Variants in SLC24A2 observed in about 807,000 individuals in gnomAD.
SLC24A2 encodes the protein sodium/potassium/calcium exchanger 2.
Under a neutral mutation model 62.0 loss-of-function variants are expected in SLC24A2, and 36 were observed. That is an observed-to-expected ratio of 0.58 (90% CI 0.44 to 0.77). SLC24A2 has a LOEUF of 0.77. Among genes scored for constraint, SLC24A2 ranks in the 30% least tolerant of loss-of-function variants. The pLI is 0.00. For missense variants in SLC24A2, 846 were observed against 817.9 expected (o/e 1.03, Z -0.42); for synonymous variants, 358 against 294.0 (o/e 1.22, Z -2.23).
intron 3 of SLC24A2, among the ~76,000 whole-genome samples, chr9:19,622,056 C>T (rs952639385): frequency 2.0e-5 from 3 of 152,178 alleles, no homozygotes; most frequent in Non-Finnish European, 2.9e-5. Flanking sequence ...GAAACCTAGT[C>T]CCAGAAGGCA....
At chr9:19,976,748 A>G in the SLC24A2 span, among the ~76,000 whole-genome samples, 1 of 152,194 alleles carries the variant, frequency 6.6e-6, no homozygotes, top group Non-Finnish European at 1.5e-5. Context: ...TGGTATCTGC[A>G]GGGGTCCTGG....
At chr9:19,573,504 AC>A (rs1835907750) in intron 6 of SLC24A2, 35 bp from the exon 7 acceptor site, 1 of 26,456 alleles carries the variant, frequency 3.8e-5, no homozygotes. Context: ...ACACACACAC[AC>A]ACACACACAC....
At chr9:19,730,367 T>A (rs930826733) in intron 2 of SLC24A2, among the ~76,000 whole-genome samples, 7 of 152,200 alleles carry the variant, frequency 4.6e-5, no homozygotes, top group African/African-American at 1.2e-4. Context: ...AATAATTACA[T>A]AAATATATGA....
chr9:20,039,131 A>G, the SLC24A2 span, among the ~76,000 whole-genome samples: 1 of 152,222 alleles, frequency 6.6e-6, no homozygotes, highest in Admixed American at 6.5e-5. Flanking sequence ...AGGAGGCGGC[A>G]TGGTGTGGTG....
At chr9:19,668,025 C>A (rs1442070907) in intron 2 of SLC24A2, among the ~76,000 whole-genome samples, 2 of 151,990 alleles carry the variant, frequency 1.3e-5, no homozygotes, top group African/African-American at 4.8e-5. Context: ...GTTTTAATTC[C>A]CACATCTATC....
chr9:20,087,128 C>G, the SLC24A2 span, among the ~76,000 whole-genome samples: 4 of 152,336 alleles, frequency 2.6e-5, no homozygotes, highest in South Asian at 4.1e-4. Flanking sequence ...CGCTCTTCCC[C>G]TCATGCTAGT....
chr9:20,122,717 ACT>A, the SLC24A2 span, among the ~76,000 whole-genome samples: 1 of 151,844 alleles, frequency 6.6e-6, no homozygotes, highest in Non-Finnish European at 1.5e-5. Context: ...CAACAAAAAA[ACT>A]CTACTTCTTA....
At chr9:20,288,051 C>T in the SLC24A2 span, among the ~76,000 whole-genome samples, 1 of 151,784 alleles carries the variant, frequency 6.6e-6, no homozygotes, top group African/African-American at 2.4e-5. Context: ...AACACACACA[C>T]ACACATTAAA....
chr9:19,584,519 CCTAGCAA>C (rs1176758404), intron 5 of SLC24A2, among the ~76,000 whole-genome samples: 10 of 152,124 alleles, frequency 6.6e-5, no homozygotes, highest in Non-Finnish European at 4.4e-5. Flanking sequence ...AGAGATGCCA[CCTAGCAA>C]CTAGAAGAAA....
the SLC24A2 span, among the ~76,000 whole-genome samples, chr9:20,023,386 T>A: frequency 6.6e-6 from 1 of 152,006 alleles, no homozygotes; most frequent in South Asian, 2.1e-4. Context: ...GAGCAGGAGG[T>A]AATAGAGAAA....
chr9:19,535,320 G>A (rs1417017916), intron 8 of SLC24A2, among the ~76,000 whole-genome samples: 21 of 152,214 alleles, frequency 1.4e-4, no homozygotes, highest in African/African-American at 4.6e-4. Flanking sequence ...CACTCTAATG[G>A]TAGTTCCTTT....
chr9:20,165,375 A>G, the SLC24A2 span, among the ~76,000 whole-genome samples: 1 of 151,924 alleles, frequency 6.6e-6, no homozygotes, highest in African/African-American at 2.4e-5. Flanking sequence ...AGGAAGAGAT[A>G]TGGGTTGAGC....
At chr9:20,149,893 G>T in the SLC24A2 span, among the ~76,000 whole-genome samples, 1 of 151,962 alleles carries the variant, frequency 6.6e-6, no homozygotes, top group Non-Finnish European at 1.5e-5. Context: ...TTCCTCAAAG[G>T]TTAAAGGCCA....
chr9:20,210,176 G>C, the SLC24A2 span, among the ~76,000 whole-genome samples: 1 of 152,122 alleles, frequency 6.6e-6, no homozygotes, highest in Non-Finnish European at 1.5e-5. Context: ...GACCTGCTGT[G>C]GTTTTCTTTG....
chr9:19,833,726 T>C, the SLC24A2 span, among the ~76,000 whole-genome samples: 24 of 152,062 alleles, frequency 1.6e-4, no homozygotes, highest in African/African-American at 5.8e-4. Context: ...TTGAAGAGAG[T>C]AGTGGTTCTC....
the SLC24A2 span, among the ~76,000 whole-genome samples, chr9:20,148,395 C>A: frequency 6.6e-6 from 1 of 152,018 alleles, no homozygotes; most frequent in African/African-American, 2.4e-5. Context: ...GTAAAACTTA[C>A]CCTTTGAAAT....
rs113632842 is a variant in SLC24A2, at chr9:19,773,758, T to G, written c.930+12179A>C. 3.5e-3 allele frequency among the ~76,000 whole-genome samples: 538 copies of G among 152,252 alleles called. 2 individuals carry two copies. The highest frequency in any genetic ancestry group is 0.012 in the African/African-American group (495 of 41,528). ...AAACACAGATGCTGGCAAACCAACATCAGTCACAGGTATGACTAGATAGGT... is the reference window on the plus strand; with the variant it reads ...AAACACAGATGCTGGCAAACCAACAGCAGTCACAGGTATGACTAGATAGGT... On this transcript the variant is annotated intron_variant, in intron 2 of 10. Transcript: ENST00000341998.
intron 2 of SLC24A2, among the ~76,000 whole-genome samples, chr9:19,641,840 C>T (rs922277355): frequency 1.3e-5 from 2 of 152,216 alleles, no homozygotes; most frequent in African/African-American, 4.8e-5. Flanking sequence ...TACCATTCTA[C>T]TCAGCTGTTC....
intron 2 of SLC24A2, among the ~76,000 whole-genome samples, chr9:19,735,689 T>A (rs1003425429): frequency 3.9e-5 from 6 of 152,132 alleles, no homozygotes; most frequent in African/African-American, 9.7e-5. Flanking sequence ...TAAAAAATGA[T>A]GAGTTCATGT....
Sources: allele counts gnomAD v4.1 joint callset (sites outside exome capture counted in the v4.1 genomes callset), GRCh38; gene constraint gnomAD v4.1.1; transcripts MANE v1.5; gene names NCBI Gene and HGNC (gene_info 2026-07-23, HGNC 2026-07-21).